INSR: variants seen among roughly 807,000 people sequenced by gnomAD.
INSR encodes insulin receptor, also known as IR.
INSR carries 67 observed loss-of-function variants against 142.6 expected under a neutral mutation model. That is an observed-to-expected ratio of 0.47 (90% CI 0.39 to 0.58). The LOEUF (loss-of-function observed/expected upper bound fraction) is 0.58, where lower values mean the gene tolerates loss of function less well. Ranked by LOEUF, INSR falls within the 20% of genes least tolerant of loss-of-function variation. The pLI, the probability that INSR is intolerant of heterozygous loss-of-function variation, is 0.00. For synonymous variants in INSR, 756 were observed against 743.1 expected, an observed-to-expected ratio of 1.02 and a Z score of -0.28; for missense variants, 1,248 against 1,833.2, an observed-to-expected ratio of 0.68 and a Z score of 5.83.
intron 1 of INSR, among the ~76,000 whole-genome samples, chr19:7,282,140 G>A (rs1968219037): frequency 6.6e-6 from 1 of 152,084 alleles, no homozygotes; most frequent in South Asian, 2.1e-4. Flanking sequence ...CGAGGTGGGT[G>A]GATCATTTGA....
intron 2 of INSR, among the ~76,000 whole-genome samples, chr19:7,239,683 G>T (rs911234955): frequency 6.6e-6 from 1 of 152,078 alleles, no homozygotes; most frequent in Non-Finnish European, 1.5e-5. Flanking sequence ...GAAACAAACC[G>T]GAAACAATCT....
intron 2 of INSR, among the ~76,000 whole-genome samples, chr19:7,252,801 G>A (rs1349411534): frequency 2.6e-5 from 4 of 152,104 alleles, no homozygotes; most frequent in Non-Finnish European, 5.9e-5. Flanking sequence ...GACAAAACGA[G>A]AGGCAAAGAA....
chr19:7,143,175 T>G, intron 11 of INSR, 85 bp from the exon 12 acceptor site: 5 of 1,488,078 alleles, frequency 3.4e-6, no homozygotes, highest in Non-Finnish European at 4.7e-6. Context: ...AAGGCTTGAT[T>G]AAGAAGAAAG....
At chr19:7,222,855 T>TG (rs902780949) in intron 2 of INSR, among the ~76,000 whole-genome samples, 18 of 152,026 alleles carry the variant, frequency 1.2e-4, no homozygotes, top group Non-Finnish European at 2.5e-4. Context: ...CCAGCTCCCT[T>TG]GCAAAAAAGG....
intron 17 of INSR, 76 bp from the exon 18 acceptor site, chr19:7,123,065 G>T: frequency 9.1e-7 from 1 of 1,095,156 alleles, no homozygotes; most frequent in Non-Finnish European, 1.4e-6. Context: ...CCTCCCTGGT[G>T]TCTATGTCAC....
At chr19:7,233,089 G>A (rs534791414) in intron 2 of INSR, among the ~76,000 whole-genome samples, 2 of 152,130 alleles carry the variant, frequency 1.3e-5, no homozygotes, top group Admixed American at 6.5e-5. Context: ...CGCTTCCTGG[G>A]TTCAAGTGAT....
At chr19:7,224,496 G>A (rs1457251945) in intron 2 of INSR, among the ~76,000 whole-genome samples, 1 of 152,148 alleles carries the variant, frequency 6.6e-6, no homozygotes, top group Non-Finnish European at 1.5e-5. Flanking sequence ...GTGTGGCCGA[G>A]CTTTCCGCCA....
intron 5 of INSR, among the ~76,000 whole-genome samples, chr19:7,170,977 G>A (rs1974003908): frequency 1.3e-5 from 2 of 152,140 alleles, no homozygotes; most frequent in African/African-American, 4.8e-5. Context: ...GAGGGGTGGT[G>A]AGTCTGTGAT....
intron 2 of INSR, among the ~76,000 whole-genome samples, chr19:7,229,045 G>A (rs1411321256): frequency 6.6e-6 from 1 of 151,184 alleles, no homozygotes; most frequent in Non-Finnish European, 1.5e-5. Context: ...ATGGATGAGT[G>A]GATGTATGGA....
At chr19:7,274,037 A>G (rs1187781565) in intron 1 of INSR, among the ~76,000 whole-genome samples, 1 of 148,854 alleles carries the variant, frequency 6.7e-6, no homozygotes, top group African/African-American at 2.5e-5. Context: ...AATCAATCCT[A>G]AAAAAAAAAT....
At chr19:7,268,232 C>T (rs574515758) in intron 1 of INSR, among the ~76,000 whole-genome samples, 1 of 152,206 alleles carries the variant, frequency 6.6e-6, no homozygotes, top group African/African-American at 2.4e-5. Flanking sequence ...GGGGAACTGT[C>T]TCCAGTGCGT....
At chr19:7,174,828 A>G (rs947532944) in intron 3 of INSR, 97 bp from the exon 4 acceptor site, 28 of 1,256,366 alleles carry the variant, frequency 2.2e-5, no homozygotes, top group Admixed American at 2.0e-4. Context: ...TCTGCCTGAT[A>G]TGGTATTTCT....
At chr19:7,157,325 G>A (rs769769388) in intron 9 of INSR, among the ~76,000 whole-genome samples, 3 of 151,624 alleles carry the variant, frequency 2.0e-5, no homozygotes, top group Non-Finnish European at 4.4e-5. Flanking sequence ...ATGTTGGCCA[G>A]GCTGGTCTTG....
At chr19:7,291,638 C>T (rs973948059) in intron 1 of INSR, among the ~76,000 whole-genome samples, 8 of 152,070 alleles carry the variant, frequency 5.3e-5, no homozygotes, top group African/African-American at 1.9e-4. Flanking sequence ...CATATGGAAG[C>T]CATAAATGTG....
intron 2 of INSR, among the ~76,000 whole-genome samples, chr19:7,244,931 C>CTTTTTT (rs370936908): frequency 2.3e-5 from 2 of 88,056 alleles, no homozygotes; most frequent in Non-Finnish European, 5.0e-5. Flanking sequence ...TTTGTTTTTG[C>CTTTTTT]TTTTTTTTTT....
chr19:7,293,647 C>T, intron 1 of INSR, 145 bp downstream of exon 1: 2 of 618,622 alleles, frequency 3.2e-6, no homozygotes, highest in Non-Finnish European at 2.2e-6. Flanking sequence ...GCTCCCCCTA[C>T]GCGATGCAGG....
intron 19 of INSR, 141 bp downstream of exon 19, chr19:7,122,473 A>T: frequency 1.1e-6 from 1 of 933,662 alleles, no homozygotes; most frequent in Non-Finnish European, 1.6e-6. Flanking sequence ...AACAAAACAA[A>T]AAAAACCCCA....
At chr19:7,220,999 AC>A (rs1323190375) in intron 2 of INSR, among the ~76,000 whole-genome samples, 1 of 152,014 alleles carries the variant, frequency 6.6e-6, no homozygotes, top group East Asian at 1.9e-4. Flanking sequence ...AGGAAGAGAG[AC>A]CTGAGCTGAC....
intron 14 of INSR, 124 bp downstream of exon 14, chr19:7,132,034 G>A (rs1972795605): frequency 8.5e-7 from 1 of 1,176,704 alleles, no homozygotes. Flanking sequence ...CGCAGCAGCT[G>A]ATAGGCCTGA....
Sources: allele counts gnomAD v4.1 joint callset (sites outside exome capture counted in the v4.1 genomes callset), GRCh38; gene constraint gnomAD v4.1.1; transcripts MANE v1.5; gene names NCBI Gene and HGNC (gene_info 2026-07-23, HGNC 2026-07-21).